Variants in STARD13 observed in about 807,000 individuals in gnomAD.
STARD13 encodes the protein stAR-related lipid transfer protein 13.
In STARD13, 62 loss-of-function variants were observed where a neutral mutation model predicts 106.4. The ratio of observed to expected loss-of-function variants is 0.58; its 90% confidence interval spans 0.48 to 0.72. The LOEUF is 0.72. Ranked by LOEUF, STARD13 falls within the 30% of genes least tolerant of loss-of-function variation. The pLI is 0.00. For synonymous variants in STARD13, 565 were observed against 553.0 expected, an observed-to-expected ratio of 1.02 and a Z score of -0.31; for missense variants, 1,387 against 1,424.0, an observed-to-expected ratio of 0.97 and a Z score of 0.42.
At chr13:33,352,032 G>A (rs2078083693), upstream of STARD13, among the ~76,000 whole-genome samples, 2 of 152,194 alleles carry the variant, frequency 1.3e-5, no homozygotes, top group Admixed American at 6.5e-5. Flanking sequence ...GTTAACTAGT[G>A]AAACATACCT....
intron 1 of STARD13, among the ~76,000 whole-genome samples, chr13:33,193,350 T>G (rs187429739): frequency 3.3e-5 from 5 of 152,206 alleles, no homozygotes; most frequent in Non-Finnish European, 1.5e-5. Flanking sequence ...CAGAAGGTTC[T>G]AGGTGGGAAC....
chr13:33,476,219 C>G, the STARD13 span, among the ~76,000 whole-genome samples: 1 of 152,040 alleles, frequency 6.6e-6, no homozygotes, highest in Non-Finnish European at 1.5e-5. Flanking sequence ...TAAGTAGAAT[C>G]CATCTGGATT....
At chr13:33,254,503 AG>A (rs1890242335) in intron 1 of STARD13, among the ~76,000 whole-genome samples, 1 of 152,200 alleles carries the variant, frequency 6.6e-6, no homozygotes, top group African/African-American at 2.4e-5. Flanking sequence ...ATTGGATACC[AG>A]GGGGTGATTC....
At chr13:33,179,351 G>A (rs1238158801) in intron 1 of STARD13, among the ~76,000 whole-genome samples, 3 of 152,134 alleles carry the variant, frequency 2.0e-5, no homozygotes, top group Admixed American at 1.3e-4. Context: ...TCTATAGAAT[G>A]GGAATAAACA....
intron 3 of STARD13, among the ~76,000 whole-genome samples, chr13:33,147,170 A>G (rs1880658210): frequency 6.6e-6 from 1 of 152,238 alleles, no homozygotes; most frequent in Non-Finnish European, 1.5e-5. Flanking sequence ...GTTGAGCCAA[A>G]CAAGATGCTA....
chr13:33,285,545 G>C lies in STARD13; in HGVS notation c.94C>G (p.Gln32Glu). The C allele has an allele frequency of 6.2e-7, 1 of 1,614,022 alleles. No individual in the cohort carries two copies. The highest frequency in any genetic ancestry group is 8.5e-7 in the Non-Finnish European group (1 of 1,179,920). Residue 32 changes from glutamine (Q) to glutamate (E), a missense_variant, in exon 1 of 14, where the codon CAG becomes GAG. Transcript: ENST00000336934. ...EGQEMYLRFD[Q>E]TTRRSPYRMS... is the part of the protein sequence containing the mutation. Reference sequence around the variant, plus strand: ...CTGTAAGGAGAGCGTCTTGTAGTCTGATCAAATCGCAAGTACATCTCCTGG... The same window carrying C: ...CTGTAAGGAGAGCGTCTTGTAGTCTCATCAAATCGCAAGTACATCTCCTGG...
chr13:33,565,920 A>AC, the STARD13 span, among the ~76,000 whole-genome samples: 6 of 148,692 alleles, frequency 4.0e-5, 1 homozygote, highest in African/African-American at 1.5e-4. Flanking sequence ...CTTTTAAAGC[A>AC]CTTCTACCTA....
At chr13:33,663,322 T>TTAAAATGGACAAA in the STARD13 span, among the ~76,000 whole-genome samples, 1 of 152,122 alleles carries the variant, frequency 6.6e-6, no homozygotes, top group Non-Finnish European at 1.5e-5. Context: ...GATCCAAAAA[T>TTAAAATGGACAAA]ATTATGGACA....
At chr13:33,112,293 T>A (rs981417105) in intron 9 of STARD13, among the ~76,000 whole-genome samples, 1 of 152,236 alleles carries the variant, frequency 6.6e-6, no homozygotes, top group Non-Finnish European at 1.5e-5. Context: ...CAGCTGGCAT[T>A]CTTCAATGCT....
At chr13:33,260,445 C>T (rs952729015) in intron 1 of STARD13, among the ~76,000 whole-genome samples, 3 of 152,192 alleles carry the variant, frequency 2.0e-5, no homozygotes, top group Non-Finnish European at 4.4e-5. Context: ...ATCTTACTGC[C>T]CTCTACATTT....
chr13:33,553,414 C>A, the STARD13 span, among the ~76,000 whole-genome samples: 2 of 150,502 alleles, frequency 1.3e-5, no homozygotes, highest in African/African-American at 4.9e-5. Flanking sequence ...TGACATAGGA[C>A]GTAAAGGTAT....
At chr13:33,360,286 A>G in the STARD13 span, among the ~76,000 whole-genome samples, 1 of 151,708 alleles carries the variant, frequency 6.6e-6, no homozygotes, top group Non-Finnish European at 1.5e-5. Context: ...CTCACTGCAA[A>G]CCCCGCCTCC....
the STARD13 span, among the ~76,000 whole-genome samples, chr13:33,519,272 C>CTTTCT: frequency 8.1e-6 from 1 of 123,254 alleles, no homozygotes; most frequent in South Asian, 2.7e-4. Context: ...TTCTTTCTTT[C>CTTTCT]TTTTCTTTCT....
chr13:33,347,903 A>G (rs545048429), downstream of STARD13, among the ~76,000 whole-genome samples: 1 of 152,352 alleles, frequency 6.6e-6, no homozygotes, highest in African/African-American at 2.4e-5. Flanking sequence ...TGATGCCAAC[A>G]TTAATAACTT....
the STARD13 span, among the ~76,000 whole-genome samples, chr13:33,406,866 T>C: frequency 6.6e-6 from 1 of 152,206 alleles, no homozygotes; most frequent in African/African-American, 2.4e-5. Context: ...GGTGCATCAC[T>C]GCTCTGGGCC....
At chr13:33,168,908 G>A (rs914700115) in intron 1 of STARD13, among the ~76,000 whole-genome samples, 2 of 152,194 alleles carry the variant, frequency 1.3e-5, no homozygotes, top group African/African-American at 4.8e-5. Context: ...CCACAGATCT[G>A]GTTAAATCTA....
chr13:33,324,392 T>A (rs1893665910), intron 1 of STARD13, among the ~76,000 whole-genome samples: 1 of 152,200 alleles, frequency 6.6e-6, no homozygotes, highest in African/African-American at 2.4e-5. Flanking sequence ...TGAGGGCTGA[T>A]ACTGAACTTA....
chr13:33,499,725 T>C, the STARD13 span, among the ~76,000 whole-genome samples: 1 of 144,082 alleles, frequency 6.9e-6, no homozygotes, highest in Non-Finnish European at 1.5e-5. Context: ...CTCCTTCTCC[T>C]TCTCCCTCTC....
intron 1 of STARD13, among the ~76,000 whole-genome samples, chr13:33,203,832 G>A (rs1041740939): frequency 1.3e-5 from 2 of 152,188 alleles, no homozygotes; most frequent in African/African-American, 4.8e-5. Flanking sequence ...TAATGCAGAA[G>A]TTCTGTCTAA....
Sources: gnomAD v4.1 joint callset for allele counts (sites outside exome capture counted in the v4.1 genomes callset) on GRCh38, gnomAD v4.1.1 for gene constraint, MANE v1.5 for transcripts, NCBI Gene and HGNC (gene_info 2026-07-23, HGNC 2026-07-21) for gene names.